Variants in KCNG2 observed in about 807,000 individuals in gnomAD.
KCNG2 encodes potassium voltage-gated channel modifier subfamily G member 2, also known as voltage-gated potassium channel regulatory subunit KCNG2.
A neutral mutation model predicts 12.3 loss-of-function variants in KCNG2; 7 were observed. That is an observed-to-expected ratio of 0.57 (90% confidence interval 0.32 to 1.07). KCNG2 has a LOEUF of 1.07. Ranked by LOEUF, KCNG2 falls within the 50% of genes least tolerant of loss-of-function variation. The pLI is 0.04. For missense variants in KCNG2, 703 were observed against 726.0 expected (o/e 0.97, Z 0.36); for synonymous variants, 414 against 351.4 (o/e 1.18, Z -1.99).
In KCNG2 at chr18:79,853,686, G is replaced by A. The variant is rs975421430; in HGVS notation, c.-114-2693G>A. On this transcript the variant is annotated intron_variant, in intron 1 of 3. Transcript: ENST00000316249. ...AGGAGCTTCCAGATGCCAGGCAGCC[G>A]GTGTCAGCAGCACGTAGCTGTGGGT... Among the ~76,000 whole-genome samples the A allele has an allele frequency of 4.6e-5, 7 of 152,234 alleles. No homozygotes were observed. The East Asian group carries it at 5.8e-4, about 13-fold the overall frequency.
At chr18:79,826,515 C>T (rs946588826) in intron 1 of KCNG2, among the ~76,000 whole-genome samples, 6 of 146,836 alleles carry the variant, frequency 4.1e-5, no homozygotes, top group African/African-American at 1.5e-4. Context: ...TTAGATTCGG[C>T]GCGTTACGTC....
chr18:79,803,103 G>A lies in KCNG2; in HGVS notation c.-115+5089G>A, dbSNP rs983876532. ...TGAGGCAGGAGAATCGCTTGAACCC[G>A]GAAGGCGGAGCTTGCAGTGAGCCGA... On this transcript the variant is annotated intron_variant, in intron 1 of 3. Coordinates refer to ENST00000316249, the MANE Select transcript of KCNG2 (RefSeq NM_012283.2). This position sits in a 1 kb window ranked among gnomAD's most constrained non-coding sequence, Gnocchi z 4.5. Among the ~76,000 whole-genome samples, 16 of 152,304 alleles carry A rather than the reference G, an allele frequency of 1.1e-4. No homozygotes were observed. Among genetic ancestry groups the A allele is most frequent in the South Asian group, 2.1e-4 (1 of 4,830 alleles).
At chr18:79,892,113 TAAA>T (rs35997999) in intron 3 of KCNG2, among the ~76,000 whole-genome samples, 2 of 123,670 alleles carry the variant, frequency 1.6e-5, no homozygotes, top group Non-Finnish European at 1.7e-5. Context: ...AGACTCCGTC[TAAA>T]AAAAAAAAAA....
At chr18:79,825,004 A>G (rs1375546412) in intron 1 of KCNG2, among the ~76,000 whole-genome samples, 1 of 152,132 alleles carries the variant, frequency 6.6e-6, no homozygotes, top group Non-Finnish European at 1.5e-5. Flanking sequence ...TTCCTTCTCA[A>G]TGTTCTGAAA....
intron 3 of KCNG2, among the ~76,000 whole-genome samples, chr18:79,866,885 G>A (rs1979601035): frequency 8.5e-6 from 1 of 117,604 alleles, no homozygotes; most frequent in Non-Finnish European, 1.9e-5. Flanking sequence ...GTGCTGAGAG[G>A]TCCGTGTGCT....
intron 1 of KCNG2, among the ~76,000 whole-genome samples, chr18:79,820,629 A>T (rs553450831): frequency 3.5e-4 from 54 of 152,214 alleles, no homozygotes; most frequent in Middle Eastern, 3.4e-3. Flanking sequence ...TACATTTTTT[A>T]AAAAAAGGCT....
In KCNG2 at chr18:79,884,744, C is replaced by A. The variant is rs775983516; in HGVS notation, c.625-14296C>A. 6.6e-6 allele frequency among the ~76,000 whole-genome samples: 1 copy of A among 152,210 alleles called. No individual in the cohort carries two copies. The highest frequency in any genetic ancestry group is 1.5e-5 in the Non-Finnish European group (1 of 68,034). On this transcript the variant is annotated intron_variant, in intron 3 of 3. Coordinates refer to ENST00000316249, the MANE Select transcript of KCNG2 (RefSeq NM_012283.2). The surrounding 1 kb of genome is among the most constrained non-coding windows in gnomAD (Gnocchi z 5.5). ...GGGGAGCCACGGGGGCAGGGGTCCG[C>A]CCGGCTCTGTGTTCCTCGGGGGGGC...
At chr18:79,869,863 C>T (rs973212365) in intron 3 of KCNG2, among the ~76,000 whole-genome samples, 1 of 152,238 alleles carries the variant, frequency 6.6e-6, no homozygotes, top group Non-Finnish European at 1.5e-5. Context: ...TCACGACCTG[C>T]AGACACCTCA....
Position 79,899,751 on chromosome 18 carries a change from G to T in KCNG2, c.1336G>T (p.Gly446Cys), listed in dbSNP as rs374320136. The T allele has an allele frequency of 6.3e-6, 10 of 1,578,056 alleles. No homozygotes were observed. The highest frequency in any genetic ancestry group is 1.8e-5 in the Admixed American group (1 of 56,230). The change falls in exon 4 of 4, where the codon GGC becomes TGC. Residue 446 changes from glycine (G) to cysteine (C), a missense_variant. By Grantham distance (159) the Gly-to-Cys change is radical (BLOSUM62 -3). Transcript: ENST00000316249. The stretch of plus-strand genomic sequence containing the variant: ...CACAGCCACCGAGGACAGCTCGCAG[G>T]GCCCCGACAGCGCGGGCCTGGCCGA... ...SATATEDSSQGPDSAGLADDS... is the reference protein window; with the variant it reads ...SATATEDSSQCPDSAGLADDS...
intron 3 of KCNG2, among the ~76,000 whole-genome samples, chr18:79,875,326 A>G (rs1017687613): frequency 6.6e-5 from 10 of 152,092 alleles, no homozygotes; most frequent in African/African-American, 2.4e-4. Context: ...TCAGTCCAAC[A>G]CCACGGAGCA....
chr18:79,866,244 C>T (rs1207976245), intron 3 of KCNG2, among the ~76,000 whole-genome samples: 2 of 140,830 alleles, frequency 1.4e-5, no homozygotes, highest in African/African-American at 2.7e-5. Flanking sequence ...GCTGAGAGGT[C>T]TGTGTGCTGA....
chr18:79,833,988 C>G (rs996813623), intron 1 of KCNG2, among the ~76,000 whole-genome samples: 2 of 152,230 alleles, frequency 1.3e-5, no homozygotes, highest in Admixed American at 6.5e-5. Context: ...CAGCCCAGGC[C>G]AGTAACGTGC....
chr18:79,848,837 G>T (rs1213972217), intron 1 of KCNG2, among the ~76,000 whole-genome samples: 2 of 152,186 alleles, frequency 1.3e-5, no homozygotes, highest in African/African-American at 4.8e-5. Context: ...GGCTGGAAGA[G>T]CCTCCTCCCT....
intron 3 of KCNG2, among the ~76,000 whole-genome samples, chr18:79,885,261 C>T (rs556153947): frequency 4.6e-5 from 7 of 152,278 alleles, no homozygotes; most frequent in Non-Finnish European, 7.4e-5. Context: ...ATCTAGAGGG[C>T]GGTGGCTGTG....
chr18:79,869,112 G>A (rs1979726849), intron 3 of KCNG2, among the ~76,000 whole-genome samples: 1 of 152,058 alleles, frequency 6.6e-6, no homozygotes, highest in African/African-American at 2.4e-5. Flanking sequence ...CAGACACTGG[G>A]GAGACCCCGA....
chr18:79,883,036 G>A (rs1980378969), intron 3 of KCNG2, among the ~76,000 whole-genome samples: 1 of 152,258 alleles, frequency 6.6e-6, no homozygotes, highest in Non-Finnish European at 1.5e-5. Flanking sequence ...GCACGGCCTA[G>A]CCCGGAAGCA....
Position 79,899,765 on chromosome 18 carries a change from G to A in KCNG2, c.1350G>A (p.Ala450=), listed in dbSNP as rs760995612. ...ACAGCTCGCAGGGCCCCGACAGCGC[G>A]GGCCTGGCCGACGACTCCGCGGATG... ...TEDSSQGPDS[A]GLADDSADAL... is the part of the protein sequence containing the mutation. The change falls in exon 4 of 4, where the codon GCG becomes GCA. Residue 450 remains alanine (A), a synonymous_variant. Coordinates refer to ENST00000316249, the MANE Select transcript of KCNG2 (RefSeq NM_012283.2). 5.3e-6 allele frequency: 8 copies of A among 1,519,844 alleles called. No individual in the cohort carries two copies. In the East Asian group the frequency reaches 7.5e-5, roughly 14 times the overall value. 94.1% of individuals were successfully genotyped at this position (1,519,844 alleles called of 1,614,324 possible). A position where few individuals can be genotyped will look rare whatever the true frequency, so the allele number is the denominator to read the frequency against.
chr18:79,805,252 C>T (rs550146234), intron 1 of KCNG2, among the ~76,000 whole-genome samples: 5 of 152,348 alleles, frequency 3.3e-5, no homozygotes, highest in East Asian at 1.9e-4. Flanking sequence ...TCTCATTCTC[C>T]GCCTCACCGC....
intron 3 of KCNG2, among the ~76,000 whole-genome samples, chr18:79,889,839 T>C (rs1439018780): frequency 6.6e-6 from 1 of 152,238 alleles, no homozygotes; most frequent in Non-Finnish European, 1.5e-5. Flanking sequence ...ACGGAGTCTT[T>C]CGTTACCATG....
Sources: gnomAD v4.1 joint callset for allele counts (sites outside exome capture counted in the v4.1 genomes callset) on GRCh38, gnomAD v4.1.1 for gene constraint, Gnocchi (gnomAD v3.1) non-coding constraint, MANE v1.5 for transcripts, NCBI Gene and HGNC (gene_info 2026-07-23, HGNC 2026-07-21) for gene names.